The following KCND2 variants were observed in gnomAD, a reference collection of about 807,000 sequenced individuals.
KCND2 encodes potassium voltage-gated channel subfamily D member 2, also known as A-type voltage-gated potassium channel KCND2.
KCND2 carries 16 observed loss-of-function variants against 54.4 expected under a neutral mutation model. That is an observed-to-expected ratio of 0.29 (90% CI 0.20 to 0.45). KCND2 has a LOEUF of 0.45. Among genes scored for constraint, KCND2 ranks in the 20% least tolerant of loss-of-function variants. KCND2 has a pLI of 1.00. For synonymous variants in KCND2, 317 were observed against 310.7 expected, an observed-to-expected ratio of 1.02 and a Z score of -0.21; for missense variants, 486 against 824.2, an observed-to-expected ratio of 0.59 and a Z score of 5.02.
chr7:120,333,918 A>C (rs1469214924), intron 1 of KCND2, among the ~76,000 whole-genome samples: 1 of 152,136 alleles, frequency 6.6e-6, no homozygotes, highest in Non-Finnish European at 1.5e-5. Flanking sequence ...ATGTGACTAC[A>C]TTTTTTAAAA....
At chr7:120,557,047 G>A (rs947959719) in intron 1 of KCND2, among the ~76,000 whole-genome samples, 5 of 152,136 alleles carry the variant, frequency 3.3e-5, no homozygotes, top group African/African-American at 1.2e-4. Context: ...TAGGATGGCT[G>A]CTAGTCTTTC....
chr7:120,376,624 T>C (rs989444903), intron 1 of KCND2, among the ~76,000 whole-genome samples: 3 of 151,644 alleles, frequency 2.0e-5, no homozygotes, highest in Non-Finnish European at 4.4e-5. Flanking sequence ...GTCCTAAACT[T>C]ACCCTCTTTG....
chr7:120,336,873 A>C (rs1056492641), intron 1 of KCND2, among the ~76,000 whole-genome samples: 2 of 152,154 alleles, frequency 1.3e-5, no homozygotes, highest in African/African-American at 4.8e-5. Context: ...TGAACCCTAA[A>C]ACACTAAAAT....
At chr7:120,676,465 G>C (rs1792063041) in intron 1 of KCND2, among the ~76,000 whole-genome samples, 1 of 152,066 alleles carries the variant, frequency 6.6e-6, no homozygotes, top group African/African-American at 2.4e-5. Context: ...TCTTTAAACT[G>C]TATGGACTGT....
intron 1 of KCND2, among the ~76,000 whole-genome samples, chr7:120,516,293 C>G (rs1279984029): frequency 6.6e-6 from 1 of 152,038 alleles, no homozygotes; most frequent in East Asian, 1.9e-4. Context: ...ATACACGTAT[C>G]CAAACAAATA....
At chr7:120,447,006 A>T (rs1241106626) in intron 1 of KCND2, among the ~76,000 whole-genome samples, 2 of 152,198 alleles carry the variant, frequency 1.3e-5, no homozygotes, top group African/African-American at 4.8e-5. Flanking sequence ...CAAATATTTT[A>T]TAATAAAGAT....
intron 1 of KCND2, among the ~76,000 whole-genome samples, chr7:120,461,363 TAAAAG>T (rs1802281554): frequency 6.6e-6 from 1 of 152,160 alleles, no homozygotes; most frequent in Non-Finnish European, 1.5e-5. Context: ...TTTTTTCAAA[TAAAAG>T]AAAACATTTC....
intron 1 of KCND2, among the ~76,000 whole-genome samples, chr7:120,613,915 G>A (rs766459443): frequency 1.3e-4 from 20 of 152,130 alleles, no homozygotes; most frequent in Non-Finnish European, 1.5e-4. Context: ...ATGAAATTAT[G>A]CAATTTTCGC....
chr7:120,556,748 T>C (rs144285667), intron 1 of KCND2, among the ~76,000 whole-genome samples: 2 of 152,134 alleles, frequency 1.3e-5, no homozygotes, highest in African/African-American at 2.4e-5. Flanking sequence ...AAAAAAAATA[T>C]GTACCTGCAA....
chr7:120,420,528 C>T lies in KCND2; in HGVS notation c.1115+144781C>T, dbSNP rs572974819. ...CTGTAGAAGTTCAGCTTGCTGGAGA[C>T]AATCATACCTCAGTACAGCAGAGAG... On this transcript the variant is annotated intron_variant, in intron 1 of 5. Coordinates refer to ENST00000331113, the MANE Select transcript of KCND2 (RefSeq NM_012281.3). 2.0e-5 allele frequency among the ~76,000 whole-genome samples: 3 copies of T among 152,230 alleles called. No individual in the cohort carries two copies. In the South Asian group the frequency reaches 6.2e-4, roughly 32 times the overall value.
chr7:120,464,106 G>A (rs111434533), intron 1 of KCND2: 2 of 980,538 alleles, frequency 2.0e-6, no homozygotes, highest in Admixed American at 1.3e-4. Flanking sequence ...GGATTGCCTG[G>A]TTTCCCCCTA....
At chr7:120,563,590 A>AT (rs1199531339) in intron 1 of KCND2, among the ~76,000 whole-genome samples, 2 of 152,198 alleles carry the variant, frequency 1.3e-5, no homozygotes, top group African/African-American at 4.8e-5. Context: ...TTGATCATCA[A>AT]CAGATGGAAG....
intron 1 of KCND2, among the ~76,000 whole-genome samples, chr7:120,672,048 AC>A (rs2116574477): frequency 6.6e-6 from 1 of 152,074 alleles, no homozygotes; most frequent in African/African-American, 2.4e-5. Context: ...GCCTGTCCTC[AC>A]CTGTTCTTTT....
chr7:120,299,162 A>C (rs1027130868), intron 1 of KCND2, among the ~76,000 whole-genome samples: 4 of 152,188 alleles, frequency 2.6e-5, no homozygotes, highest in Non-Finnish European at 4.4e-5. Context: ...CTCTGTCTAA[A>C]AAAAAAAATT....
intron 1 of KCND2, among the ~76,000 whole-genome samples, chr7:120,600,822 A>G (rs1485831300): frequency 6.6e-6 from 1 of 152,104 alleles, no homozygotes; most frequent in African/African-American, 2.4e-5. Context: ...TATGTATTAT[A>G]TCAATGAATG....
intron 1 of KCND2, among the ~76,000 whole-genome samples, chr7:120,458,666 A>G (rs1291647953): frequency 6.6e-6 from 1 of 152,164 alleles, no homozygotes; most frequent in Non-Finnish European, 1.5e-5. Flanking sequence ...TACATGCCAG[A>G]ATTATTTGAG....
intron 1 of KCND2, among the ~76,000 whole-genome samples, chr7:120,691,480 G>A (rs116070142): frequency 6.6e-6 from 1 of 152,178 alleles, no homozygotes; most frequent in Non-Finnish European, 1.5e-5. Context: ...GTAAGAGACA[G>A]AGGTATAGGA....
intron 1 of KCND2, among the ~76,000 whole-genome samples, chr7:120,442,791 T>C (rs779116969): frequency 6.6e-6 from 1 of 152,148 alleles, no homozygotes; most frequent in Non-Finnish European, 1.5e-5. Flanking sequence ...TGGCATGGTG[T>C]GGCCATCATT....
At chr7:120,724,079 G>A (rs1267133277) in intron 1 of KCND2, among the ~76,000 whole-genome samples, 4 of 152,112 alleles carry the variant, frequency 2.6e-5, no homozygotes, top group Non-Finnish European at 4.4e-5. Flanking sequence ...CATATGTATT[G>A]TTTACCATCA....
Sources: gnomAD v4.1 joint callset for allele counts (sites outside exome capture counted in the v4.1 genomes callset) on GRCh38, gnomAD v4.1.1 for gene constraint, MANE v1.5 for transcripts, NCBI Gene and HGNC (gene_info 2026-07-23, HGNC 2026-07-21) for gene names.